Variants in NCKAP5 observed in about 807,000 individuals in gnomAD.
NCKAP5 encodes NCK associated protein 5.
Under a neutral mutation model 167.0 loss-of-function variants are expected in NCKAP5, and 92 were observed. The observed-to-expected ratio is 0.55, with a 90% CI of 0.47 to 0.66. The LOEUF (loss-of-function observed/expected upper bound fraction) is 0.66, where lower values mean the gene tolerates loss of function less well. NCKAP5 is among the 30% of genes least tolerant of loss of function. The pLI, the probability that NCKAP5 is intolerant of heterozygous loss-of-function variation, is 0.00. For synonymous variants in NCKAP5, 891 were observed against 877.4 expected (o/e 1.02, Z -0.27); for missense variants, 2,378 against 2,315.0 (o/e 1.03, Z -0.56).
Position 132,688,985 on chromosome 2 carries a change from C to CAAAAAAAAAAAAAA in NCKAP5, c.5714-15694_5714-15681dup, listed in dbSNP as rs34015551. On this transcript the variant is annotated intron_variant, in intron 19 of 19. Transcript: ENST00000409261. ...TGCGTGGTGGAATGAGACACCAACT[C>CAAAAAAAAAAAAAA]AAAAAAAAAAAAAAAAAAAAGCCTC... Among the ~76,000 whole-genome samples, 2 of 66,310 alleles carry CAAAAAAAAAAAAAA rather than the reference C, an allele frequency of 3.0e-5. 1 individual carries two copies. The highest frequency in any genetic ancestry group is 5.5e-5 in the Non-Finnish European group (2 of 36,426). 43.5% of individuals were successfully genotyped at this position (66,310 alleles called of 152,430 possible). A position where few individuals can be genotyped will look rare whatever the true frequency, so the allele number is the denominator to read the frequency against.
At chr2:132,828,467 T>C (rs973825742) in intron 11 of NCKAP5, among the ~76,000 whole-genome samples, 8 of 152,134 alleles carry the variant, frequency 5.3e-5, no homozygotes, top group African/African-American at 1.9e-4. Context: ...GCTCCAGCCA[T>C]GTAGGACATG....
chr2:132,733,264 A>G (rs1039638888), intron 16 of NCKAP5, among the ~76,000 whole-genome samples: 2 of 152,210 alleles, frequency 1.3e-5, no homozygotes, highest in Middle Eastern at 3.2e-3. Flanking sequence ...CCTAGGTTTC[A>G]TCTTAGAAGC....
At chr2:133,087,677 A>G (rs983698832) in intron 6 of NCKAP5, among the ~76,000 whole-genome samples, 3 of 152,150 alleles carry the variant, frequency 2.0e-5, no homozygotes, top group Admixed American at 1.3e-4. Context: ...CTCTGCAAAC[A>G]TTTTACAACA....
intron 8 of NCKAP5, among the ~76,000 whole-genome samples, chr2:132,922,756 T>C (rs1389463647): frequency 2.0e-5 from 3 of 152,210 alleles, no homozygotes; most frequent in Non-Finnish European, 2.9e-5. Context: ...TCAAAAATCA[T>C]ACAGCCAGCA....
Position 132,731,908 on chromosome 2 carries a change from G to A in NCKAP5, c.5272C>T (p.Leu1758Phe). The change falls in exon 17 of 20, where the codon CTT becomes TTT. Residue 1758 changes from leucine (L) to phenylalanine (F), a missense_variant. By Grantham distance (22) the Leu-to-Phe change is conservative. Coordinates refer to ENST00000409261, the MANE Select transcript of NCKAP5 (RefSeq NM_207363.3). ...GCTCTCATGGAAGAAACTGCAGAAA[G>A]GGCTGACTGGAGAGGCAGGAGAGGC... ...AEPLLPLQSALSAVSSMRAQT... is the reference protein window; with the variant it reads ...AEPLLPLQSAFSAVSSMRAQT... 2 of 1,613,956 alleles carry A rather than the reference G, an allele frequency of 1.2e-6. No homozygotes were observed. The highest frequency in any genetic ancestry group is 2.2e-5 in the South Asian group (2 of 91,086).
chr2:133,611,974 T>G, the NCKAP5 span, among the ~76,000 whole-genome samples: 4 of 152,168 alleles, frequency 2.6e-5, no homozygotes, highest in Non-Finnish European at 5.9e-5. Context: ...TTCTTAGACA[T>G]CAGAAGAGGC....
rs895700046 is a variant in NCKAP5 at position 133,337,087 on chromosome 2, T to G, written c.70-33977A>C. 2.0e-5 allele frequency among the ~76,000 whole-genome samples: 3 copies of G among 152,224 alleles called. No individual in the cohort carries two copies. In the South Asian group the frequency reaches 6.2e-4, roughly 32 times the overall value. ...CCATAGCTAGAACTCAGGCCTCTTT[T>G]CAATTTGTTTTCTGATCCCCCACTC... On this transcript the variant is annotated intron_variant, in intron 3 of 19. Transcript: ENST00000409261.
chr2:133,138,011 C>T (rs977521391), intron 5 of NCKAP5, among the ~76,000 whole-genome samples: 1 of 151,686 alleles, frequency 6.6e-6, no homozygotes, highest in Admixed American at 6.6e-5. Flanking sequence ...GGGGTAGGCA[C>T]GTAAAAGAAA....
rs187857306 is a variant in NCKAP5, at chr2:133,360,395, T to C, written c.70-57285A>G. Among the ~76,000 whole-genome samples, 262 of 152,152 alleles carry C rather than the reference T, an allele frequency of 1.7e-3. 2 individuals carry two copies. The highest frequency in any genetic ancestry group is 5.8e-3 in the African/African-American group (242 of 41,502). On this transcript the variant is annotated intron_variant, in intron 3 of 19. Coordinates refer to ENST00000409261, the MANE Select transcript of NCKAP5 (RefSeq NM_207363.3). ...AATTACCAATCATTTCTGGAAAGAG[T>C]GTGTGGTTTTCACTCATGATAATTT...
At chr2:132,851,535 T>C (rs1395920663) in intron 11 of NCKAP5, among the ~76,000 whole-genome samples, 2 of 152,210 alleles carry the variant, frequency 1.3e-5, no homozygotes, top group African/African-American at 4.8e-5. Flanking sequence ...CTCTAGGGTC[T>C]GGCCATCCCG....
At chr2:132,676,931 C>T (rs1026277027) in intron 19 of NCKAP5, among the ~76,000 whole-genome samples, 1 of 152,158 alleles carries the variant, frequency 6.6e-6, no homozygotes, top group African/African-American at 2.4e-5. Context: ...TAGAGCTAGG[C>T]AGTGTGCCTG....
intron 3 of NCKAP5, among the ~76,000 whole-genome samples, chr2:133,388,967 T>G (rs1434720852): frequency 2.0e-5 from 3 of 152,264 alleles, no homozygotes; most frequent in African/African-American, 7.2e-5. Flanking sequence ...GGGAATTCCC[T>G]GACCCTTTGC....
Position 132,851,512 on chromosome 2 carries a change from T to G in NCKAP5, c.807+8980A>C, listed in dbSNP as rs191123859. Among the ~76,000 whole-genome samples, 18 of 152,338 alleles carry G rather than the reference T, an allele frequency of 1.2e-4. No individual in the cohort carries two copies. In the East Asian group the frequency reaches 3.5e-3, roughly 29 times the overall value. On this transcript the variant is annotated intron_variant, in intron 11 of 19. Coordinates refer to ENST00000409261, the MANE Select transcript of NCKAP5 (RefSeq NM_207363.3). ...CAGCAGGCCAGGCACAACTGAAGGT[T>G]AACCCCGCTTGCCTCTAGGGTCTGG...
rs1281568919 is a variant in NCKAP5, at chr2:132,785,653, A to C, written c.1158T>G (p.Ser386Arg). 2.0e-6 allele frequency: 3 copies of C among 1,521,462 alleles called. No homozygotes were observed. Among genetic ancestry groups the C allele is most frequent in the Non-Finnish European group, 1.8e-6 (2 of 1,137,216 alleles). 94.2% of individuals were successfully genotyped at this position (1,521,462 alleles called of 1,614,324 possible). Residue 386 changes from serine to arginine, a missense_variant, in exon 14 of 20, where the codon AGT (serine) becomes AGG (arginine). This residue lies in a region of NCKAP5 where 1,049 missense variants were observed against 1,023.4 expected (regional missense o/e 1.02). Transcript: ENST00000409261. ...GAGTTGGAGGTAGTTCATTTGTAGG[A>C]CTAGCAAAGCCACTTGGGAGCGAAG... ...IDSSLPSGFA[S>R]PTNELPPTRI...
At chr2:132,883,677 CGG>C (rs1466962038) in intron 8 of NCKAP5, among the ~76,000 whole-genome samples, 3 of 152,180 alleles carry the variant, frequency 2.0e-5, no homozygotes, top group African/African-American at 4.8e-5. Flanking sequence ...CTCATTTCCT[CGG>C]TGCCCTCTGC....
intron 11 of NCKAP5, among the ~76,000 whole-genome samples, chr2:132,847,098 T>A (rs1412162384): frequency 6.6e-6 from 1 of 152,176 alleles, no homozygotes; most frequent in Non-Finnish European, 1.5e-5. Context: ...TATAAAAATC[T>A]ACAAGTACAT....
rs749194061 is a variant in NCKAP5, at chr2:133,397,276, A to G, written c.70-94166T>C. Among the ~76,000 whole-genome samples, 54 of 152,146 alleles carry G rather than the reference A, an allele frequency of 3.5e-4. 1 individual carries two copies. Among genetic ancestry groups the G allele is most frequent in the Admixed American group, 1.3e-4 (2 of 15,276 alleles). ...ACTCTATAGAAACCAATCTAAATCAATCTTTCTTATGGCCTCTTTTCATGT... is the reference window on the plus strand; with the variant it reads ...ACTCTATAGAAACCAATCTAAATCAGTCTTTCTTATGGCCTCTTTTCATGT... On this transcript the variant is annotated intron_variant, in intron 3 of 19. Coordinates refer to ENST00000409261, the MANE Select transcript of NCKAP5 (RefSeq NM_207363.3).
intron 2 of NCKAP5, among the ~76,000 whole-genome samples, chr2:133,525,941 A>C (rs113894775): frequency 2.2e-3 from 341 of 152,204 alleles, no homozygotes; most frequent in African/African-American, 7.9e-3. Context: ...GATAAAATTA[A>C]GATAATAATA....
intron 11 of NCKAP5, among the ~76,000 whole-genome samples, chr2:132,836,804 T>A (rs528186671): frequency 6.6e-6 from 1 of 152,338 alleles, no homozygotes; most frequent in South Asian, 2.1e-4. Context: ...CTCTTAAGGC[T>A]GCTGTACAGC....
Sources: allele counts gnomAD v4.1 joint callset (sites outside exome capture counted in the v4.1 genomes callset), GRCh38; gene constraint gnomAD v4.1.1; regional missense constraint gnomAD v4.1.1; transcripts MANE v1.5; gene names NCBI Gene and HGNC (gene_info 2026-07-23, HGNC 2026-07-21).